The following RASSF5 variants were observed in gnomAD, a reference collection of about 807,000 sequenced individuals.
The protein encoded by RASSF5 is ras association domain-containing protein 5.
RASSF5 carries 25 observed loss-of-function variants against 40.5 expected under a neutral mutation model. The observed-to-expected ratio is 0.62, with a 90% CI of 0.45 to 0.86. The LOEUF (loss-of-function observed/expected upper bound fraction) is 0.86. Among genes scored for constraint, RASSF5 ranks in the 40% least tolerant of loss-of-function variants. The pLI, the probability that RASSF5 is intolerant of heterozygous loss-of-function variation, is 0.00. For synonymous variants in RASSF5, 246 were observed against 252.4 expected, an observed-to-expected ratio of 0.97 and a Z score of 0.24; for missense variants, 521 against 572.8, an observed-to-expected ratio of 0.91 and a Z score of 0.92.
rs1249962698 is a variant in RASSF5 at position 206,579,360 on chromosome 1, C to A, written c.580-3909C>A. Among the ~76,000 whole-genome samples, 1 of 152,192 alleles carries A rather than the reference C, an allele frequency of 6.6e-6. No individual in the cohort carries two copies. Among genetic ancestry groups the A allele is most frequent in the South Asian group, 2.1e-4 (1 of 4,838 alleles). ...TATTCTGTCTCTATCTTGGGCCACC[C>A]CAAGAGGCAAAACTGTCTGCTTGGT... On this transcript the variant is annotated intron_variant, in intron 2 of 5. Transcript: ENST00000579436. This position sits in a 1 kb window ranked among gnomAD's most constrained non-coding sequence, Gnocchi z 4.2.
intron 1 of RASSF5, among the ~76,000 whole-genome samples, chr1:206,516,699 C>T (rs1223363265): frequency 5.9e-5 from 9 of 152,122 alleles, no homozygotes; most frequent in Non-Finnish European, 1.0e-4. Context: ...CCTTGTGATC[C>T]GCCTGCCTCG....
intron 2 of RASSF5, among the ~76,000 whole-genome samples, chr1:206,551,684 C>G (rs1553401056): frequency 6.6e-6 from 1 of 152,256 alleles, no homozygotes; most frequent in Non-Finnish European, 1.5e-5. Context: ...GCATATTTCT[C>G]TAGAAATCCT....
chr1:206,523,420 A>G (rs1666962117), intron 1 of RASSF5, among the ~76,000 whole-genome samples: 2 of 118,678 alleles, frequency 1.7e-5, no homozygotes, highest in Admixed American at 1.2e-4. Flanking sequence ...TATATATTAT[A>G]TATTATATAA....
chr1:206,508,174 G>A, intron 1 of RASSF5, 115 bp downstream of exon 1: 1 of 804,892 alleles, frequency 1.2e-6, no homozygotes, highest in African/African-American at 1.8e-5. Context: ...CTCCAGGGGA[G>A]CCCCGAACAT....
chr1:206,545,802 C>T (rs1360779093), intron 2 of RASSF5, among the ~76,000 whole-genome samples: 2 of 152,024 alleles, frequency 1.3e-5, no homozygotes, highest in Non-Finnish European at 2.9e-5. Flanking sequence ...TCTACCCTTT[C>T]ATTTTTAGGC....
intron 1 of RASSF5, among the ~76,000 whole-genome samples, chr1:206,524,102 A>G (rs1175973251): frequency 1.6e-5 from 2 of 123,584 alleles, no homozygotes; most frequent in African/African-American, 3.0e-5. Context: ...TATACCATAT[A>G]TAATATATTT....
At chr1:206,512,373 G>A (rs1372163882) in intron 1 of RASSF5, among the ~76,000 whole-genome samples, 3 of 152,142 alleles carry the variant, frequency 2.0e-5, no homozygotes, top group African/African-American at 4.8e-5. Context: ...TTAAATGTGC[G>A]CTTAATTTTC....
chr1:206,580,487 G>A (rs1300521240), intron 2 of RASSF5, among the ~76,000 whole-genome samples: 2 of 152,190 alleles, frequency 1.3e-5, no homozygotes, highest in East Asian at 3.9e-4. Context: ...GCTCCCAGCG[G>A]GAAGGTATAG....
rs1669040200 is a variant in RASSF5, at chr1:206,584,746, C to A, written c.988+62C>A. The stretch of plus-strand genomic sequence containing the variant: ...TCCTACCTGTGTCCAAGCCCACCCA[C>A]TAAAACTCCTGCCGGCCTTGGGTGG... On this transcript the variant is annotated intron_variant, in intron 4 of 5. Transcript: ENST00000579436. The surrounding 1 kb of genome is among the most constrained non-coding windows in gnomAD (Gnocchi z 4.9). The A allele has an allele frequency of 6.4e-7, 1 of 1,571,680 alleles. No homozygotes were observed. The highest frequency in any genetic ancestry group is 1.4e-5 in the African/African-American group (1 of 73,856).
At chr1:206,580,654 G>GA (rs2103565412) in intron 2 of RASSF5, 1 of 152,344 alleles carries the variant, frequency 6.6e-6, no homozygotes, top group South Asian at 2.1e-4. Context: ...GACAGTGAAT[G>GA]AAGAGAGTCT....
In RASSF5 at chr1:206,579,127, C is replaced by T. The variant is rs1020312847; in HGVS notation, c.580-4142C>T. ...AAAAGAAGACATTGCCCTTTTCCAC[C>T]GCATAGGACATGTGAGCACAAACCT... On this transcript the variant is annotated intron_variant, in intron 2 of 5. Coordinates refer to ENST00000579436, the MANE Select transcript of RASSF5 (RefSeq NM_182663.4). The surrounding 1 kb of genome is among the most constrained non-coding windows in gnomAD (Gnocchi z 4.2). Among the ~76,000 whole-genome samples, 9 of 152,138 alleles carry T rather than the reference C, an allele frequency of 5.9e-5. No individual in the cohort carries two copies. The highest frequency in any genetic ancestry group is 1.3e-4 in the Admixed American group (2 of 15,280).
chr1:206,510,134 C>T (rs1666578423), intron 1 of RASSF5, among the ~76,000 whole-genome samples: 1 of 152,152 alleles, frequency 6.6e-6, no homozygotes, highest in African/African-American at 2.4e-5. Context: ...TGAGGGCTGG[C>T]AGGTGGAGAC....
Position 206,587,139 on chromosome 1 carries a change from G to T in RASSF5, c.*161G>T. The T allele has an allele frequency of 1.1e-6, 1 of 890,542 alleles. No individual in the cohort carries two copies. 55.2% of individuals were successfully genotyped at this position (890,542 alleles called of 1,614,324 possible). ...AAGTCTCTTCCATGGACAAGTGTTT[G>T]CACGAGGGTTCAGCTGTGCCCGCCC... is the stretch of plus-strand genomic sequence containing the variant. On this transcript the variant is annotated 3_prime_UTR_variant, in exon 6 of 6. Transcript: ENST00000579436.
In RASSF5 at chr1:206,538,211, T is replaced by A; in HGVS notation, c.497T>A (p.Ile166Asn). 6.2e-7 allele frequency: 1 copy of A among 1,614,222 alleles called. No homozygotes were observed. Among genetic ancestry groups the A allele is most frequent in the Non-Finnish European group, 8.5e-7 (1 of 1,180,032 alleles). Residue 166 changes from isoleucine to asparagine, a missense_variant, in exon 2 of 6, where the codon ATC becomes AAC. Ile to Asn is a moderately radical substitution (Grantham distance 149). This residue lies in a region of RASSF5 where 284 missense variants were observed against 360.8 expected (regional missense o/e 0.79). Coordinates refer to ENST00000579436, the MANE Select transcript of RASSF5 (RefSeq NM_182663.4). ...TGTCACCCAGAATGCCGCAGCCTGA[T>A]CCAGTTGGACTGCAGTCAGCAGGAG... The part of the protein sequence containing the change: ...FTCHPECRSL[I>N]QLDCSQQEGL...
At chr1:206,526,286 G>GTGTGTGTGTGTGTGTGTGTT (rs1667095368) in intron 1 of RASSF5, among the ~76,000 whole-genome samples, 3 of 152,024 alleles carry the variant, frequency 2.0e-5, no homozygotes, top group African/African-American at 7.2e-5. Flanking sequence ...GTGTGTGTGT[G>GTGTGTGTGTGTGTGTGTGTT]TGTGTGTTGG....
chr1:206,585,363 C>G, intron 5 of RASSF5, 68 bp downstream of exon 5: 1 of 1,124,608 alleles, frequency 8.9e-7, no homozygotes, highest in Non-Finnish European at 1.4e-6. Context: ...TGGGTGTTGT[C>G]CTAACTACCT....
chr1:206,586,469 T>A, intron 5 of RASSF5: 1 of 219,458 alleles, frequency 4.6e-6, no homozygotes, highest in Non-Finnish European at 9.1e-6. Context: ...GAGTCCACGT[T>A]CCACTCCTCC....
Position 206,531,213 on chromosome 1 carries a change from T to C in RASSF5, c.458-6959T>C, listed in dbSNP as rs932873956. On this transcript the variant is annotated intron_variant, in intron 1 of 5. Transcript: ENST00000579436. This position sits in a 1 kb window ranked among gnomAD's most constrained non-coding sequence, Gnocchi z 4.7. ...TCAACAAAGGGCAGCAGAGAAGCAT[T>C]CCTTCCTTTAGTCACTCAACCAATT... Among the ~76,000 whole-genome samples, 3 of 152,196 alleles carry C rather than the reference T, an allele frequency of 2.0e-5. No homozygotes were observed. Among genetic ancestry groups the C allele is most frequent in the Non-Finnish European group, 2.9e-5 (2 of 68,026 alleles).
chr1:206,532,599 C>T (rs556633387), intron 1 of RASSF5, among the ~76,000 whole-genome samples: 3 of 152,292 alleles, frequency 2.0e-5, no homozygotes, highest in African/African-American at 7.2e-5. Flanking sequence ...TCAGAGAATG[C>T]GCATACGTTC....
Sources: gnomAD v4.1 joint callset for allele counts (sites outside exome capture counted in the v4.1 genomes callset) on GRCh38, gnomAD v4.1.1 for gene constraint, gnomAD v4.1.1 regional missense constraint, Gnocchi (gnomAD v3.1) non-coding constraint, MANE v1.5 for transcripts, NCBI Gene and HGNC (gene_info 2026-07-23, HGNC 2026-07-21) for gene names.